RAD51B: variants seen among roughly 807,000 people sequenced by gnomAD.
The protein encoded by RAD51B is RAD51 paralog B.
Under a neutral mutation model 42.2 loss-of-function variants are expected in RAD51B, and 38 were observed. That is an observed-to-expected ratio of 0.90 (90% CI 0.70 to 1.18). The LOEUF is 1.18. Among genes scored for constraint, RAD51B ranks in the 50% most tolerant of loss-of-function variants. RAD51B has a pLI of 0.00. For missense variants in RAD51B, 373 were observed against 400.7 expected, an observed-to-expected ratio of 0.93 and a Z score of 0.59; for synonymous variants, 154 against 145.2, an observed-to-expected ratio of 1.06 and a Z score of -0.43.
intron 8 of RAD51B, among the ~76,000 whole-genome samples, chr14:68,333,563 G>C (rs888980435): frequency 2.0e-5 from 3 of 152,138 alleles, no homozygotes; most frequent in Admixed American, 6.5e-5. Context: ...AGATACCTTT[G>C]CTTCACAGGT....
chr14:68,618,608 C>T (rs1015107044), intron 10 of RAD51B, among the ~76,000 whole-genome samples: 8 of 152,228 alleles, frequency 5.3e-5, no homozygotes, highest in Admixed American at 3.9e-4. Flanking sequence ...CCTCTTTTTC[C>T]CCACCAGAAT....
intron 7 of RAD51B, among the ~76,000 whole-genome samples, chr14:68,276,580 G>A (rs528106073): frequency 6.6e-6 from 1 of 152,066 alleles, no homozygotes; most frequent in South Asian, 2.1e-4. Flanking sequence ...TATCTACAGG[G>A]GAGTCTGTCA....
In RAD51B at chr14:68,112,329, C is replaced by T. The variant is rs34361169; in HGVS notation, c.757-179555C>T. 3.3e-5 allele frequency among the ~76,000 whole-genome samples: 5 copies of T among 152,102 alleles called. No homozygotes were observed. In the South Asian group the frequency reaches 6.2e-4, roughly 19 times the overall value. ...TCTCAACTGTCCTCCTTTGAGATCT[C>T]GCTTGCCATCCCCTCCACACCTTCT... On this transcript the variant is annotated intron_variant, in intron 7 of 10. Coordinates refer to ENST00000471583, the MANE Select transcript of RAD51B (RefSeq NM_133510.4).
chr14:68,319,654 A>T (rs781320863), intron 8 of RAD51B, among the ~76,000 whole-genome samples: 11 of 152,152 alleles, frequency 7.2e-5, no homozygotes, highest in South Asian at 2.1e-4. Context: ...GATCACCTGG[A>T]TGCTTCTGTG....
intron 7 of RAD51B, among the ~76,000 whole-genome samples, chr14:67,898,906 A>G (rs2043514122): frequency 6.6e-6 from 1 of 152,214 alleles, no homozygotes; most frequent in Non-Finnish European, 1.5e-5. Context: ...ACAAGTAACA[A>G]AATGTAAATT....
In RAD51B at chr14:68,565,740, G is replaced by A. The variant is rs1369677613; in HGVS notation, c.1037-28745G>A. On this transcript the variant is annotated intron_variant, in intron 10 of 10. Coordinates refer to the RAD51B transcript ENST00000487270. The surrounding 1 kb of genome is among the most constrained non-coding windows in gnomAD (Gnocchi z 4.1). ...GACTGACACTTGCTTTCACCCTAAT[G>A]TATTTTCATGAAATACTTAACATCT... 6.6e-6 allele frequency among the ~76,000 whole-genome samples: 1 copy of A among 152,148 alleles called. No individual in the cohort carries two copies. The highest frequency in any genetic ancestry group is 1.5e-5 in the Non-Finnish European group (1 of 68,030).
At chr14:68,589,128 G>A (rs1890623264) in intron 10 of RAD51B, among the ~76,000 whole-genome samples, 1 of 152,296 alleles carries the variant, frequency 6.6e-6, no homozygotes, top group South Asian at 2.1e-4. Flanking sequence ...CCATTCTGGG[G>A]ATAACAGAAT....
At chr14:68,020,441 G>A (rs948030263) in intron 7 of RAD51B, among the ~76,000 whole-genome samples, 1 of 151,940 alleles carries the variant, frequency 6.6e-6, no homozygotes, top group Non-Finnish European at 1.5e-5. Flanking sequence ...AACTCTCAGC[G>A]TCTTTTAAAA....
intron 10 of RAD51B, among the ~76,000 whole-genome samples, chr14:68,585,931 G>A (rs901070067): frequency 9.9e-5 from 15 of 152,144 alleles, no homozygotes; most frequent in African/African-American, 3.4e-4. Context: ...CCTCTCTAAA[G>A]CCTGCTTTTC....
At chr14:68,328,530 T>A (rs540205965) in intron 8 of RAD51B, among the ~76,000 whole-genome samples, 1 of 152,298 alleles carries the variant, frequency 6.6e-6, no homozygotes, top group South Asian at 2.1e-4. Flanking sequence ...GAGGGAGCTA[T>A]GAATAGAAGA....
intron 7 of RAD51B, among the ~76,000 whole-genome samples, chr14:67,917,784 A>G (rs1481926513): frequency 5.9e-5 from 9 of 152,154 alleles, no homozygotes; most frequent in Non-Finnish European, 4.4e-5. Flanking sequence ...CTGTGGACAG[A>G]GCAGATTTGA....
intron 7 of RAD51B, among the ~76,000 whole-genome samples, chr14:67,899,239 C>T (rs950701787): frequency 1.3e-4 from 19 of 151,186 alleles, no homozygotes; most frequent in African/African-American, 3.6e-4. Context: ...TTAGTAGAGA[C>T]GGGGTTTCAC....
intron 7 of RAD51B, among the ~76,000 whole-genome samples, chr14:68,215,717 A>G (rs931668285): frequency 2.4e-4 from 36 of 152,228 alleles, no homozygotes; most frequent in Non-Finnish European, 2.6e-4. Context: ...TAGCTGAGGC[A>G]GGGCCAGAAC....
At chr14:68,557,908 A>T (rs1378677047) in intron 10 of RAD51B, among the ~76,000 whole-genome samples, 1 of 152,084 alleles carries the variant, frequency 6.6e-6, no homozygotes, top group East Asian at 1.9e-4. Flanking sequence ...AACCAGACTG[A>T]AAAAAAGGTG....
At chr14:68,184,916 C>G (rs2079128288) in intron 7 of RAD51B, among the ~76,000 whole-genome samples, 1 of 152,128 alleles carries the variant, frequency 6.6e-6, no homozygotes, top group African/African-American at 2.4e-5. Flanking sequence ...CTAGCTTTGA[C>G]TCTCATTACA....
chr14:68,252,961 T>C (rs992647437), intron 7 of RAD51B, among the ~76,000 whole-genome samples: 2 of 151,842 alleles, frequency 1.3e-5, no homozygotes, highest in African/African-American at 4.8e-5. Context: ...TGTGTGCCTG[T>C]AATCTCAGCT....
At chr14:68,430,147 G>A (rs2084963019) in intron 9 of RAD51B, among the ~76,000 whole-genome samples, 2 of 152,178 alleles carry the variant, frequency 1.3e-5, no homozygotes, top group Non-Finnish European at 2.9e-5. Context: ...TTTGGTTACT[G>A]TAGCTTTGTG....
In RAD51B at chr14:68,540,162, G is replaced by C. The variant is rs1887877980; in HGVS notation, c.1037-54323G>C. On this transcript the variant is annotated intron_variant, in intron 10 of 10. Transcript: ENST00000487270. ...CCAGGACATGAGGGAATCCTACCCTGCTCCTTTTTTTTTTTTTTTTTTTTT... is the reference window on the plus strand; with the variant it reads ...CCAGGACATGAGGGAATCCTACCCTCCTCCTTTTTTTTTTTTTTTTTTTTT... 1.8e-5 allele frequency: 16 copies of C among 874,182 alleles called. No individual in the cohort carries two copies. In the South Asian group the frequency reaches 2.3e-4, roughly 12 times the overall value. The allele number at this position is 874,182 out of a possible 1,614,324, so 54.2% of individuals were successfully genotyped here. A position where few individuals can be genotyped will look rare whatever the true frequency, so the allele number is the denominator to read the frequency against.
chr14:68,105,050 G>A (rs538017730), intron 7 of RAD51B, among the ~76,000 whole-genome samples: 90 of 151,942 alleles, frequency 5.9e-4, no homozygotes, highest in African/African-American at 2.1e-3. Flanking sequence ...CCCCAATGGA[G>A]ATTGAAACAG....
Sources: allele counts gnomAD v4.1 joint callset (sites outside exome capture counted in the v4.1 genomes callset), GRCh38; gene constraint gnomAD v4.1.1; non-coding constraint Gnocchi (gnomAD v3.1); transcripts MANE v1.5; gene names NCBI Gene and HGNC (gene_info 2026-07-23, HGNC 2026-07-21).